Variants in RFT1 observed in about 807,000 individuals in gnomAD.
The protein encoded by RFT1 is man(5)GlcNAc(2)-PP-dolichol translocation protein RFT1.
A neutral mutation model predicts 62.2 loss-of-function variants in RFT1; 43 were observed. That is an observed-to-expected ratio of 0.69 (90% confidence interval 0.54 to 0.89). RFT1 has a LOEUF of 0.89. Ranked by LOEUF, RFT1 falls within the 40% of genes least tolerant of loss-of-function variation. The pLI is 0.00. For synonymous variants in RFT1, 262 were observed against 264.6 expected (o/e 0.99, Z 0.10); for missense variants, 605 against 649.9 (o/e 0.93, Z 0.75).
At chr3:53,079,040 G>A in the RFT1 span, among the ~76,000 whole-genome samples, 1 of 152,364 alleles carries the variant, frequency 6.6e-6, no homozygotes, top group African/African-American at 2.4e-5. Context: ...CAGCTCTGTT[G>A]ATTGTCTGGA....
At chr3:53,083,619 G>T (rs1700801141), downstream of RFT1, among the ~76,000 whole-genome samples, 1 of 152,206 alleles carries the variant, frequency 6.6e-6, no homozygotes, top group Non-Finnish European at 1.5e-5. Flanking sequence ...CCAGGGCCCG[G>T]CGCTTGGCCC....
At chr3:53,128,570 T>A (rs1702175761) in intron 1 of RFT1, among the ~76,000 whole-genome samples, 1 of 152,194 alleles carries the variant, frequency 6.6e-6, no homozygotes, top group Admixed American at 6.5e-5. Context: ...TGGAGTGCAG[T>A]GGCATAATCA....
chr3:53,116,484 G>A (rs964058560), intron 6 of RFT1, among the ~76,000 whole-genome samples: 1 of 150,902 alleles, frequency 6.6e-6, no homozygotes, highest in Admixed American at 6.6e-5. Context: ...TGTAAAGACG[G>A]GTTCTTACCA....
chr3:53,115,450 C>T (rs1701765676), intron 6 of RFT1, among the ~76,000 whole-genome samples: 1 of 152,118 alleles, frequency 6.6e-6, no homozygotes, highest in Non-Finnish European at 1.5e-5. Context: ...GCTCCACTGC[C>T]CCTGAATTAA....
chr3:53,118,186 T>G (rs1701862814), intron 6 of RFT1, among the ~76,000 whole-genome samples: 1 of 152,206 alleles, frequency 6.6e-6, no homozygotes, highest in Non-Finnish European at 1.5e-5. Flanking sequence ...GGTTCAAATG[T>G]TCCTTCCCAA....
intron 5 of RFT1, 57 bp downstream of exon 5, chr3:53,121,642 G>A: frequency 1.4e-6 from 2 of 1,397,966 alleles, no homozygotes; most frequent in Non-Finnish European, 1.0e-6. Flanking sequence ...GGAACAAGAA[G>A]AAAAACCAGT....
chr3:53,111,871 C>A lies in RFT1; in HGVS notation c.734G>T (p.Ser245Ile). Residue 245 changes from serine (S) to isoleucine (I), a missense_variant, in exon 7 of 13, where the codon AGT (serine) becomes ATT (isoleucine). Ser to Ile is a moderately radical substitution (Grantham distance 142). Coordinates refer to ENST00000296292, the MANE Select transcript of RFT1 (RefSeq NM_052859.4). ...TTTCAAGAAAGACTGTTTGAAAAAA[C>A]TCCAAGTCAGTTTAGCCTCTTTCCA... ...INWKEAKLTW[S>I]FFKQSFLKQI... The A allele has an allele frequency of 1.2e-6, 2 of 1,614,042 alleles. No homozygotes were observed. Among genetic ancestry groups the A allele is most frequent in the Non-Finnish European group, 1.7e-6 (2 of 1,179,988 alleles).
At chr3:53,129,440 C>A (rs2107180751) in intron 1 of RFT1, among the ~76,000 whole-genome samples, 1 of 152,236 alleles carries the variant, frequency 6.6e-6, no homozygotes, top group South Asian at 2.1e-4. Context: ...AAGGCCCAAA[C>A]TCAAGCCCCA....
intron 11 of RFT1, among the ~76,000 whole-genome samples, chr3:53,093,033 T>G (rs1701042280): frequency 6.6e-6 from 1 of 152,102 alleles, no homozygotes; most frequent in Non-Finnish European, 1.5e-5. Flanking sequence ...CTGCAGAGCT[T>G]GGATTTATTT....
chr3:53,105,501 C>G (rs376311563), intron 9 of RFT1, among the ~76,000 whole-genome samples, 172 bp downstream of exon 9: 1 of 150,158 alleles, frequency 6.7e-6, no homozygotes, highest in Non-Finnish European at 1.5e-5. Context: ...AAGAAGGCCA[C>G]GAAAGAAGAG....
chr3:53,092,019 C>T lies in RFT1; in HGVS notation c.1510G>A (p.Val504Met), dbSNP rs564427695. The change falls in exon 13 of 13, where the codon GTG becomes ATG. Residue 504 changes from valine (V) to methionine (M), a missense_variant. Coordinates refer to ENST00000296292, the MANE Select transcript of RFT1 (RefSeq NM_052859.4). Reference sequence around the variant, plus strand: ...GTTGCTCCCAGACAGAAGGCCCCCACAGCAATGTGTGCCAGTCTGGCTGGC... The same window carrying T: ...GTTGCTCCCAGACAGAAGGCCCCCATAGCAATGTGTGCCAGTCTGGCTGGC... ...GWPARLAHIA[V>M]GAFCLGATLG... 70 of 1,614,158 alleles carry T rather than the reference C, an allele frequency of 4.3e-5. 1 individual carries two copies. In the South Asian group the frequency reaches 6.5e-4, roughly 15 times the overall value.
At chr3:53,071,226 C>T in the RFT1 span, among the ~76,000 whole-genome samples, 70 of 152,204 alleles carry the variant, frequency 4.6e-4, no homozygotes, top group East Asian at 0.01. Flanking sequence ...AAAGGGAAAA[C>T]GGAAGCTAAG....
chr3:53,071,995 G>GGT, the RFT1 span, among the ~76,000 whole-genome samples: 1 of 152,212 alleles, frequency 6.6e-6, no homozygotes, highest in East Asian at 1.9e-4. Flanking sequence ...CCTAAAGGAG[G>GGT]GTTGTCATGG....
chr3:53,122,817 T>C (rs1163232539), intron 3 of RFT1, among the ~76,000 whole-genome samples: 1 of 152,134 alleles, frequency 6.6e-6, no homozygotes, highest in Non-Finnish European at 1.5e-5. Flanking sequence ...GCCAAGGTCA[T>C]GAACAGCTAA....
chr3:53,093,530 A>G (rs886987556), intron 11 of RFT1, among the ~76,000 whole-genome samples: 1 of 152,196 alleles, frequency 6.6e-6, no homozygotes, highest in Non-Finnish European at 1.5e-5. Flanking sequence ...GAGGGAACCA[A>G]ACTTTTGACA....
chr3:53,103,254 C>G (rs1701367891), intron 10 of RFT1: 2 of 985,260 alleles, frequency 2.0e-6, no homozygotes, highest in Admixed American at 1.2e-4. Context: ...CCTCAGCGTT[C>G]TTGTCCAGCG....
intron 12 of RFT1, 123 bp from the exon 13 acceptor site, chr3:53,092,193 T>G: frequency 1.4e-6 from 2 of 1,392,338 alleles, no homozygotes; most frequent in East Asian, 2.5e-5. Flanking sequence ...ACAGCCATAC[T>G]GCAGGTCCAT....
At chr3:53,073,070 G>C in the RFT1 span, among the ~76,000 whole-genome samples, 1 of 152,224 alleles carries the variant, frequency 6.6e-6, no homozygotes, top group Admixed American at 6.5e-5. Context: ...CCAGCCCGTG[G>C]GGCTGGGTGG....
chr3:53,101,507 G>A (rs1469027999), intron 10 of RFT1, among the ~76,000 whole-genome samples: 1 of 152,208 alleles, frequency 6.6e-6, no homozygotes, highest in Admixed American at 6.5e-5. Flanking sequence ...AGTGACTCAC[G>A]TAAAGGGTTT....
Sources: gnomAD v4.1 joint callset for allele counts (sites outside exome capture counted in the v4.1 genomes callset) on GRCh38, gnomAD v4.1.1 for gene constraint, MANE v1.5 for transcripts, NCBI Gene and HGNC (gene_info 2026-07-23, HGNC 2026-07-21) for gene names.